TLR2: variants seen among roughly 807,000 people sequenced by gnomAD.
TLR2 encodes toll-like receptor 2.
A neutral mutation model predicts 9.1 loss-of-function variants in TLR2; 7 were observed. The observed-to-expected ratio is 0.77, with a 90% CI of 0.44 to 1.44. The LOEUF (loss-of-function observed/expected upper bound fraction) is 1.44. Ranked by LOEUF, TLR2 falls within the 40% of genes most tolerant of loss-of-function variation. The pLI is 0.01. For missense variants in TLR2, 812 were observed against 904.6 expected (o/e 0.90, Z 1.31); for synonymous variants, 317 against 344.6 (o/e 0.92, Z 0.89).
intron 2 of TLR2, among the ~76,000 whole-genome samples, chr4:153,695,659 T>C (rs1736440134): frequency 6.6e-6 from 1 of 152,212 alleles, no homozygotes; most frequent in South Asian, 2.1e-4. Flanking sequence ...TTTAATTTGC[T>C]ATGCAGAAAC....
At chr4:153,690,829 A>G (rs564323126) in intron 2 of TLR2, among the ~76,000 whole-genome samples, 6 of 152,324 alleles carry the variant, frequency 3.9e-5, no homozygotes, top group Admixed American at 3.9e-4. Flanking sequence ...CAGCCATTTG[A>G]TTCCCTTCAG....
chr4:153,702,808 T>G (rs1292906856), intron 2 of TLR2, 84 bp from the exon 3 acceptor site: 6 of 727,944 alleles, frequency 8.2e-6, no homozygotes, highest in South Asian at 2.0e-5. Context: ...GTGTGTGTGT[T>G]ATGCCTAGAA....
intron 2 of TLR2, chr4:153,702,447 G>A (rs1487432653): frequency 6.5e-6 from 1 of 154,720 alleles, no homozygotes; most frequent in Admixed American, 6.4e-5. Context: ...TATGAATCAA[G>A]GCGGCCACTG....
chr4:153,684,473 T>A (rs927101702), intron 1 of TLR2, 113 bp downstream of exon 1: 1 of 152,320 alleles, frequency 6.6e-6, no homozygotes, highest in Admixed American at 6.5e-5. Context: ...GAACCCGGGC[T>A]CCCGTTCGGC....
intron 2 of TLR2, chr4:153,702,215 AT>A (rs1736942669): frequency 6.6e-6 from 1 of 152,190 alleles, no homozygotes. Flanking sequence ...TGCTTTTTGC[AT>A]TTACTTCTAG....
chr4:153,690,780 AGT>A (rs371503893), intron 2 of TLR2, among the ~76,000 whole-genome samples: 228 of 152,366 alleles, frequency 1.5e-3, no homozygotes, highest in African/African-American at 5.1e-3. Context: ...AAATTGTGAA[AGT>A]GTCTAGCATT....
Position 153,703,280 on chromosome 4 carries a change from T to G in TLR2, c.373T>G (p.Ser125Ala). 1.2e-6 allele frequency: 2 copies of G among 1,612,612 alleles called. No individual in the cohort carries two copies. The highest frequency in any genetic ancestry group is 4.5e-5 in the East Asian group (2 of 44,884). Residue 125 changes from serine to alanine, a missense_variant, in exon 3 of 3, where the codon TCT becomes GCT. By Grantham distance (99) the Ser-to-Ala change is moderately conservative. Transcript: ENST00000642700. ...GTCTTCCTGGTTCAAGCCCCTTTCT[T>G]CTTTAACATTCTTAAACTTACTGGG... is the stretch of plus-strand genomic sequence containing the variant. ...LSSSWFKPLS[S>A]LTFLNLLGNP...
At chr4:153,692,491 G>A (rs1273801383) in intron 2 of TLR2, among the ~76,000 whole-genome samples, 1 of 152,136 alleles carries the variant, frequency 6.6e-6, no homozygotes. Context: ...CATTTTAAAG[G>A]TATATAGGTT....
chr4:153,689,513 A>G (rs1473725178), intron 2 of TLR2, among the ~76,000 whole-genome samples: 1 of 152,250 alleles, frequency 6.6e-6, no homozygotes, highest in Non-Finnish European at 1.5e-5. Flanking sequence ...CTATTCTGCA[A>G]TGCAATCTTC....
At chr4:153,693,677 C>A (rs1352103371) in intron 2 of TLR2, among the ~76,000 whole-genome samples, 1 of 152,170 alleles carries the variant, frequency 6.6e-6, no homozygotes, top group Non-Finnish European at 1.5e-5. Flanking sequence ...GCTCTGTCAC[C>A]TCTTCTGTTA....
rs1273422792 is a variant in TLR2, at chr4:153,705,685, A to G, written c.*423A>G. ...TAGATTACTTATGATACCCAATACAATGTAAATACTATGTAAATAGTTGTA... is the reference window on the plus strand; with the variant it reads ...TAGATTACTTATGATACCCAATACAGTGTAAATACTATGTAAATAGTTGTA... On this transcript the variant is annotated 3_prime_UTR_variant, in exon 3 of 3. Coordinates refer to ENST00000642700, the MANE Select transcript of TLR2 (RefSeq NM_001318789.2). The G allele has an allele frequency of 1.2e-5, 2 of 166,882 alleles. No individual in the cohort carries two copies. Among genetic ancestry groups the G allele is most frequent in the African/African-American group, 2.4e-5 (1 of 41,488 alleles). 10.3% of individuals were successfully genotyped at this position (166,882 alleles called of 1,614,324 possible).
At chr4:153,693,627 C>T (rs1324778905) in intron 2 of TLR2, among the ~76,000 whole-genome samples, 1 of 152,176 alleles carries the variant, frequency 6.6e-6, no homozygotes, top group Non-Finnish European at 1.5e-5. Context: ...ACAAACCTCT[C>T]CCTCCTTTGC....
chr4:153,687,916 G>GT lies in TLR2; in HGVS notation c.-147dup, dbSNP rs1333169511. 1.3e-5 allele frequency: 2 copies of GT among 152,160 alleles called. No individual in the cohort carries two copies. Among genetic ancestry groups the GT allele is most frequent in the Admixed American group, 1.3e-4 (2 of 15,272 alleles). The allele number at this position is 152,160 out of a possible 1,614,324, so 9.4% of individuals were successfully genotyped here. ...TTTGTCTGAAGTTTCTCTTTTAACA[G>GT]TGTTTGGTGTTGCAAGCAGGATCCA... On this transcript the variant is annotated 5_prime_UTR_variant, in exon 2 of 3. Coordinates refer to ENST00000642700, the MANE Select transcript of TLR2 (RefSeq NM_001318789.2).
At chr4:153,710,254 A>C (rs1473038675), downstream of TLR2, 2 of 778,410 alleles carry the variant, frequency 2.6e-6, no homozygotes, top group South Asian at 2.7e-5. Context: ...CTTGACAACA[A>C]AGTTTACTTA....
downstream of TLR2, among the ~76,000 whole-genome samples, chr4:153,706,603 C>T (rs148086183): frequency 3.9e-5 from 6 of 152,262 alleles, no homozygotes; most frequent in African/African-American, 1.4e-4. Flanking sequence ...TAATACCACA[C>T]ATTAAATTTT....
At chr4:153,685,964 C>T (rs1189460982) in intron 1 of TLR2, among the ~76,000 whole-genome samples, 2 of 152,174 alleles carry the variant, frequency 1.3e-5, no homozygotes, top group Non-Finnish European at 2.9e-5. Context: ...GATTGAAGGG[C>T]TGCATCTGGT....
chr4:153,700,318 T>C (rs1462148879), intron 2 of TLR2, among the ~76,000 whole-genome samples: 1 of 152,172 alleles, frequency 6.6e-6, no homozygotes, highest in Non-Finnish European at 1.5e-5. Context: ...TATATAAATA[T>C]GTAAAACTAT....
chr4:153,696,608 T>C (rs1736514879), intron 2 of TLR2, among the ~76,000 whole-genome samples: 1 of 152,236 alleles, frequency 6.6e-6, no homozygotes, highest in African/African-American at 2.4e-5. Flanking sequence ...GTTAGGTCCA[T>C]TACCAAATGT....
At chr4:153,694,329 G>C (rs187223020) in intron 2 of TLR2, among the ~76,000 whole-genome samples, 6 of 152,264 alleles carry the variant, frequency 3.9e-5, no homozygotes, top group Non-Finnish European at 7.4e-5. Flanking sequence ...CAGTGTGGGC[G>C]TCATGGCCAT....
Sources: gnomAD v4.1 joint callset for allele counts (sites outside exome capture counted in the v4.1 genomes callset) on GRCh38, gnomAD v4.1.1 for gene constraint, MANE v1.5 for transcripts, NCBI Gene and HGNC (gene_info 2026-07-23, HGNC 2026-07-21) for gene names.